Variants in EIF4G3 observed in about 807,000 individuals in gnomAD.
EIF4G3 encodes eukaryotic translation initiation factor 4 gamma 3, also known as eIF-4-gamma 3.
In EIF4G3, 34 loss-of-function variants were observed where a neutral mutation model predicts 186.4. The ratio of observed to expected loss-of-function variants is 0.18; its 90% confidence interval spans 0.14 to 0.24. The LOEUF (loss-of-function observed/expected upper bound fraction) is 0.24. Ranked by LOEUF, EIF4G3 falls within the 10% of genes least tolerant of loss-of-function variation. EIF4G3 has a pLI of 1.00. For missense variants in EIF4G3, 1,536 were observed against 1,948.5 expected (o/e 0.79, Z 3.99); for synonymous variants, 673 against 679.5 (o/e 0.99, Z 0.15).
intron 4 of EIF4G3, among the ~76,000 whole-genome samples, chr1:21,048,996 T>C (rs2094057726): frequency 6.6e-6 from 1 of 152,162 alleles, no homozygotes; most frequent in South Asian, 2.1e-4. Context: ...TATACGAAGG[T>C]TATACAGCAA....
chr1:21,009,870 G>T (rs112240649), intron 4 of EIF4G3, among the ~76,000 whole-genome samples: 166 of 151,782 alleles, frequency 1.1e-3, no homozygotes, highest in African/African-American at 3.9e-3. Flanking sequence ...GGCAAGGCTG[G>T]TCTCAAACTC....
intron 20 of EIF4G3, among the ~76,000 whole-genome samples, chr1:20,870,674 C>G (rs1048452174): frequency 1.2e-4 from 19 of 152,168 alleles, no homozygotes; most frequent in African/African-American, 4.6e-4. Flanking sequence ...TAAAATTGTA[C>G]TTAAGTACAG....
chr1:21,155,262 CAAAAAAAAAAAA>C (rs34182850), intron 2 of EIF4G3, among the ~76,000 whole-genome samples: 5 of 43,326 alleles, frequency 1.2e-4, no homozygotes, highest in Middle Eastern at 0.025. Flanking sequence ...GACTCTGTCT[CAAAAAAAAAAAA>C]AAAAAAAAAA....
At chr1:20,853,922 G>A (rs900757149) in intron 26 of EIF4G3, among the ~76,000 whole-genome samples, 1 of 152,126 alleles carries the variant, frequency 6.6e-6, no homozygotes, top group Non-Finnish European at 1.5e-5. Context: ...GTAAACAGGG[G>A]TGGGAGTGGC....
At chr1:20,880,904 A>G (rs889484137) in intron 19 of EIF4G3, among the ~76,000 whole-genome samples, 8 of 152,216 alleles carry the variant, frequency 5.3e-5, no homozygotes, top group Admixed American at 4.6e-4. Context: ...ATCTGCAGAT[A>G]TATCATCATA....
chr1:20,851,830 C>T (rs2073366644), intron 27 of EIF4G3, among the ~76,000 whole-genome samples: 1 of 151,920 alleles, frequency 6.6e-6, no homozygotes, highest in Non-Finnish European at 1.5e-5. Flanking sequence ...CCAGCCTGGC[C>T]AACATGGTGA....
At chr1:20,878,430 A>G (rs1231525109) in intron 20 of EIF4G3, among the ~76,000 whole-genome samples, 1 of 152,188 alleles carries the variant, frequency 6.6e-6, no homozygotes, top group African/African-American at 2.4e-5. Context: ...ATCACAAAAT[A>G]CCTTTTAAGT....
chr1:20,987,231 G>A (rs2079779150), intron 7 of EIF4G3, among the ~76,000 whole-genome samples: 1 of 152,138 alleles, frequency 6.6e-6, no homozygotes, highest in Non-Finnish European at 1.5e-5. Flanking sequence ...GTAAAAGCAT[G>A]AAAAGACAAA....
At chr1:21,060,853 C>T (rs34323534) in intron 3 of EIF4G3, among the ~76,000 whole-genome samples, 4,122 of 150,852 alleles carry the variant, frequency 0.027, 88 homozygotes, top group Non-Finnish European at 0.038. Flanking sequence ...GCTTAGAACA[C>T]GGTAGTAACA....
At chr1:20,869,627 T>C (rs1267319267) in intron 20 of EIF4G3, among the ~76,000 whole-genome samples, 2 of 151,776 alleles carry the variant, frequency 1.3e-5, no homozygotes, top group Non-Finnish European at 2.9e-5. Flanking sequence ...TACAAAAAAT[T>C]AGCTGGGCGT....
At chr1:21,047,608 T>G (rs1455887799) in intron 4 of EIF4G3, among the ~76,000 whole-genome samples, 1 of 152,148 alleles carries the variant, frequency 6.6e-6, no homozygotes, top group East Asian at 1.9e-4. Context: ...AAGAGGGTAC[T>G]CAAGCCCTCA....
chr1:21,090,724 C>T (rs1229419486), intron 2 of EIF4G3, among the ~76,000 whole-genome samples: 4 of 152,154 alleles, frequency 2.6e-5, no homozygotes, highest in African/African-American at 9.7e-5. Flanking sequence ...CTAAACCTTG[C>T]CCCACTCCAC....
Position 21,125,209 on chromosome 1 carries a change from T to C in EIF4G3, c.-271-35996A>G, listed in dbSNP as rs185747583. 3.5e-3 allele frequency among the ~76,000 whole-genome samples: 525 copies of C among 152,080 alleles called. 3 individuals carry two copies. Among genetic ancestry groups the C allele is most frequent in the Non-Finnish European group, 4.3e-3 (295 of 67,966 alleles). ...ATCTGGGTTCTACGTATGCAGCATA[T>C]GAGATATAAAGAAAAGCTTTTAAAA... is the stretch of plus-strand genomic sequence containing the variant. On this transcript the variant is annotated intron_variant, in intron 2 of 36. Transcript: ENST00000602326.
intron 18 of EIF4G3, among the ~76,000 whole-genome samples, chr1:20,889,341 T>A (rs1441691058): frequency 4.6e-5 from 7 of 152,170 alleles, no homozygotes; most frequent in Admixed American, 6.5e-5. Context: ...TGCTAGGATT[T>A]TTATGATTGA....
At chr1:21,038,290 T>C (rs2093356569) in intron 4 of EIF4G3, among the ~76,000 whole-genome samples, 1 of 152,174 alleles carries the variant, frequency 6.6e-6, no homozygotes, top group Non-Finnish European at 1.5e-5. Context: ...CCCCCAAGAC[T>C]GTGGGCTAAA....
At chr1:20,971,025 G>C (rs2075786482) in intron 11 of EIF4G3, among the ~76,000 whole-genome samples, 1 of 152,144 alleles carries the variant, frequency 6.6e-6, no homozygotes, top group African/African-American at 2.4e-5. Context: ...AAGATGTGCT[G>C]GTAGGTGAAA....
chr1:21,141,749 T>G (rs2097343534), intron 2 of EIF4G3, among the ~76,000 whole-genome samples: 1 of 152,072 alleles, frequency 6.6e-6, no homozygotes, highest in Non-Finnish European at 1.5e-5. Flanking sequence ...GACAACATAG[T>G]GAGACCCTGA....
At chr1:20,874,420 T>A (rs1300173701) in intron 20 of EIF4G3, among the ~76,000 whole-genome samples, 2 of 152,192 alleles carry the variant, frequency 1.3e-5, no homozygotes, top group Non-Finnish European at 2.9e-5. Context: ...TCTCCGATGA[T>A]CAGTGATGTT....
At position 20,973,074 on chromosome 1, in the gene EIF4G3, C is replaced by T. The variant is rs751520565; in HGVS notation, c.519G>A (p.Pro173=). 27 of 1,609,966 alleles carry T rather than the reference C, an allele frequency of 1.7e-5. No homozygotes were observed. The African/African-American group carries it at 1.7e-4, about 10-fold the overall frequency. The stretch of plus-strand genomic sequence containing the variant: ...CTATGATAGGTGCTGACTGATACAC[C>T]GGCTGACTTGGGTAAAAAGGCGTTC... ...AYGTPFYPSQ[P]VYQSAPIIVP... Residue 173 remains proline (P), a synonymous_variant, in exon 11 of 37, where the codon CCG becomes CCA. Transcript: ENST00000602326.
Sources: gnomAD v4.1 joint callset for allele counts (sites outside exome capture counted in the v4.1 genomes callset) on GRCh38, gnomAD v4.1.1 for gene constraint, MANE v1.5 for transcripts, NCBI Gene and HGNC (gene_info 2026-07-23, HGNC 2026-07-21) for gene names.